The following DYNLL1 variants were observed in gnomAD, a reference collection of about 807,000 sequenced individuals.
DYNLL1 encodes the protein dynein light chain LC8-type 1.
Under a neutral mutation model 10.1 loss-of-function variants are expected in DYNLL1, and 3 were observed. The observed-to-expected ratio is 0.30, with a 90% CI of 0.14 to 0.77. DYNLL1 has a LOEUF of 0.77. Ranked by LOEUF, DYNLL1 falls within the 30% of genes least tolerant of loss-of-function variation. The pLI is 0.66. For missense variants in DYNLL1, 47 were observed against 111.7 expected (o/e 0.42, Z 2.61); for synonymous variants, 46 against 41.2 (o/e 1.12, Z -0.45).
chr12:120,497,993 T>TA, intron 2 of DYNLL1, 80 bp from the exon 3 acceptor site: 2 of 1,432,762 alleles, frequency 1.4e-6, no homozygotes, highest in South Asian at 2.7e-5. Flanking sequence ...TTTCTGCCCC[T>TA]ACAGGCTCTG....
chr12:120,486,627 A>T (rs1879000224), intron 1 of DYNLL1, among the ~76,000 whole-genome samples: 1 of 151,770 alleles, frequency 6.6e-6, no homozygotes, highest in South Asian at 2.1e-4. Flanking sequence ...ACCCCACTAT[A>T]CTAGCTAATT....
intron 1 of DYNLL1, among the ~76,000 whole-genome samples, chr12:120,481,319 T>A (rs1332975201): frequency 2.0e-5 from 3 of 152,018 alleles, no homozygotes; most frequent in Non-Finnish European, 2.9e-5. Flanking sequence ...CTACCCAGAG[T>A]TAGCACAGAC....
At chr12:120,483,285 C>G (rs113014929) in intron 1 of DYNLL1, among the ~76,000 whole-genome samples, 12,378 of 150,254 alleles carry the variant, frequency 0.082, 649 homozygotes, top group Non-Finnish European at 0.11. Context: ...CTGCAGTGAG[C>G]TGAGATTGTG....
At chr12:120,497,746 CTA>C (rs1868500957) in intron 2 of DYNLL1, 1 of 249,402 alleles carries the variant, frequency 4.0e-6, no homozygotes, top group African/African-American at 2.3e-5. Flanking sequence ...ACATGATAAA[CTA>C]CACCTGTTGA....
chr12:120,473,879 A>AG (rs1161568687), intron 1 of DYNLL1, among the ~76,000 whole-genome samples: 1 of 151,940 alleles, frequency 6.6e-6, no homozygotes, highest in Non-Finnish European at 1.5e-5. Context: ...CTGAGGTGGG[A>AG]GGACTGCTTG....
intron 1 of DYNLL1, among the ~76,000 whole-genome samples, chr12:120,485,879 T>G (rs1028841304): frequency 2.0e-5 from 3 of 148,576 alleles, no homozygotes; most frequent in African/African-American, 7.4e-5. Flanking sequence ...TACAGTGTGA[T>G]AGGTATTATA....
chr12:120,490,412 G>C (rs966482840), intron 1 of DYNLL1: 3 of 152,198 alleles, frequency 2.0e-5, no homozygotes, highest in African/African-American at 7.2e-5. Context: ...GTGACACTGA[G>C]GTCACCTACT....
At chr12:120,496,347 G>T (rs572693672) in intron 1 of DYNLL1, 69 bp from the exon 2 acceptor site, 2 of 1,598,106 alleles carry the variant, frequency 1.3e-6, no homozygotes, top group Admixed American at 1.7e-5. Flanking sequence ...GCGCCGGCCG[G>T]GGTGGGGGCA....
chr12:120,484,671 A>T (rs75111927), intron 1 of DYNLL1, among the ~76,000 whole-genome samples: 2,180 of 152,280 alleles, frequency 0.014, 23 homozygotes, highest in Non-Finnish European at 0.023. Flanking sequence ...GCACTGTTAC[A>T]ATACTGAAAA....
chr12:120,491,330 T>G (rs1224588239), upstream of DYNLL1: 1 of 152,724 alleles, frequency 6.5e-6, no homozygotes, highest in African/African-American at 2.4e-5. Flanking sequence ...GCTCCAAAGC[T>G]CAGCTCCACT....
chr12:120,496,592 A>C (rs1409610601), intron 2 of DYNLL1, 39 bp downstream of exon 2: 1 of 1,613,764 alleles, frequency 6.2e-7, no homozygotes. Context: ...AGCCGGGAGC[A>C]GGGGGTTCCT....
intron 1 of DYNLL1, among the ~76,000 whole-genome samples, chr12:120,485,537 A>C (rs575712773): frequency 1.8e-4 from 28 of 152,224 alleles, no homozygotes; most frequent in African/African-American, 6.3e-4. Context: ...TACGAAAAGC[A>C]GGTAACAAAA....
intron 1 of DYNLL1, chr12:120,490,257 A>G (rs1879094785): frequency 6.6e-6 from 1 of 152,254 alleles, no homozygotes; most frequent in Admixed American, 6.5e-5. Flanking sequence ...ATGAACTCTG[A>G]AAGAGTTTTG....
chr12:120,470,479 G>C (rs1878622155), intron 1 of DYNLL1, among the ~76,000 whole-genome samples: 1 of 152,118 alleles, frequency 6.6e-6, no homozygotes, highest in Admixed American at 6.5e-5. Context: ...CTTTTTGTTT[G>C]TTTTTGATAC....
intron 1 of DYNLL1, among the ~76,000 whole-genome samples, chr12:120,486,604 G>T (rs1878999721): frequency 6.6e-6 from 1 of 151,928 alleles, no homozygotes; most frequent in Non-Finnish European, 1.5e-5. Context: ...TGAGTAGCTG[G>T]AACTACCGGC....
rs762202216 is a variant in DYNLL1, at chr12:120,483,603, ATGCCTGTTAGACATCC to A, written c.-6-12811_-6-12796del. Among the ~76,000 whole-genome samples the A allele has an allele frequency of 2.0e-3, 299 of 152,218 alleles. 1 individual carries two copies. Among genetic ancestry groups the A allele is most frequent in the Middle Eastern group, 0.01 (3 of 294 alleles). ...TGTGGATGTGTTAGGTTTGAGACAG[ATGCCTGTTAGACATCC>A]TAGAGCTATTTCAAATAGGACTTAG... On this transcript the variant is annotated intron_variant, in intron 1 of 2. Transcript: ENST00000392509.
chr12:120,496,321 G>C, intron 1 of DYNLL1, 95 bp from the exon 2 acceptor site: 1 of 1,523,192 alleles, frequency 6.6e-7, no homozygotes, highest in Non-Finnish European at 8.9e-7. Context: ...GGGGTGGGGG[G>C]CGTCGTCCCG....
At chr12:120,475,799 A>G (rs951382693) in intron 1 of DYNLL1, among the ~76,000 whole-genome samples, 2 of 152,214 alleles carry the variant, frequency 1.3e-5, no homozygotes, top group Non-Finnish European at 2.9e-5. Flanking sequence ...AAAGGCCAAG[A>G]AACACTGAGA....
intron 1 of DYNLL1, chr12:120,470,127 C>T (rs1379987591): frequency 3.9e-5 from 6 of 152,704 alleles, no homozygotes; most frequent in Admixed American, 3.9e-4. Context: ...CCGGGCCACC[C>T]TGTCCCCATT....
Sources: gnomAD v4.1 joint callset for allele counts (sites outside exome capture counted in the v4.1 genomes callset) on GRCh38, gnomAD v4.1.1 for gene constraint, MANE v1.5 for transcripts, NCBI Gene and HGNC (gene_info 2026-07-23, HGNC 2026-07-21) for gene names.